CPLX2: variants seen among roughly 807,000 people sequenced by gnomAD.
CPLX2 encodes complexin-2.
In CPLX2, 5 loss-of-function variants were observed where a neutral mutation model predicts 16.3. The ratio of observed to expected loss-of-function variants is 0.31; its 90% CI spans 0.16 to 0.64. The LOEUF is 0.64. Among genes scored for constraint, CPLX2 ranks in the 30% least tolerant of loss-of-function variants. The pLI is 0.79. For synonymous variants in CPLX2, 89 were observed against 73.2 expected, an observed-to-expected ratio of 1.22 and a Z score of -1.10; for missense variants, 144 against 181.4, an observed-to-expected ratio of 0.79 and a Z score of 1.18.
At chr5:175,838,721 G>A (rs1758890140) in intron 2 of CPLX2, among the ~76,000 whole-genome samples, 1 of 152,096 alleles carries the variant, frequency 6.6e-6, no homozygotes, top group African/African-American at 2.4e-5. Context: ...AGGTCTCATA[G>A]GCCACCGCAG....
Position 175,878,951 on chromosome 5 carries a change from G to A in CPLX2, c.75G>A (p.Glu25=). The A allele has an allele frequency of 6.2e-7, 1 of 1,611,798 alleles. No homozygotes were observed. The highest frequency in any genetic ancestry group is 8.5e-7 in the Non-Finnish European group (1 of 1,179,064). ...DMGKMLGGEE[E]KDPDAQKKEE... ...GGAAGATGCTGGGGGGAGAGGAGGA[G>A]AAGGACCCCGACGCGCAGAAAAAGG... The change falls in exon 3 of 4, where the codon GAG becomes GAA. Residue 25 remains glutamate (E), a synonymous_variant. Coordinates refer to ENST00000393745, the MANE Select transcript of CPLX2 (RefSeq NM_001008220.2).
At chr5:175,797,363 C>G (rs1255918068) in intron 1 of CPLX2, among the ~76,000 whole-genome samples, 1 of 148,826 alleles carries the variant, frequency 6.7e-6, no homozygotes, top group Non-Finnish European at 1.5e-5. Flanking sequence ...CCTGGCCGTG[C>G]AATGGCGGGG....
chr5:175,850,698 G>A (rs868595115), intron 2 of CPLX2, among the ~76,000 whole-genome samples: 15 of 152,122 alleles, frequency 9.9e-5, no homozygotes, highest in African/African-American at 3.4e-4. Context: ...TCATTTGACC[G>A]AGGGCACCCT....
chr5:175,814,006 A>G (rs1418117918), intron 2 of CPLX2, among the ~76,000 whole-genome samples: 2 of 152,244 alleles, frequency 1.3e-5, no homozygotes, highest in Non-Finnish European at 2.9e-5. Flanking sequence ...TCTCTTTCCA[A>G]ATATATGTAT....
intron 2 of CPLX2, among the ~76,000 whole-genome samples, chr5:175,833,328 C>T (rs1758765882): frequency 6.6e-6 from 1 of 152,054 alleles, no homozygotes; most frequent in African/African-American, 2.4e-5. Flanking sequence ...GGGCTGGCTG[C>T]TTGGGATACA....
At chr5:175,836,843 G>C (rs1758848773) in intron 2 of CPLX2, among the ~76,000 whole-genome samples, 1 of 152,136 alleles carries the variant, frequency 6.6e-6, no homozygotes, top group Non-Finnish European at 1.5e-5. Flanking sequence ...TGCCCTGCAA[G>C]GCAGGCAGAG....
At chr5:175,879,732 G>C (rs1755522337) in intron 3 of CPLX2, 116 bp from the exon 4 acceptor site, 1 of 917,768 alleles carries the variant, frequency 1.1e-6, no homozygotes, top group Non-Finnish European at 1.8e-6. Context: ...CTAATGACAG[G>C]ACTGAGGCTT....
intron 2 of CPLX2, among the ~76,000 whole-genome samples, chr5:175,862,244 T>C (rs1472432869): frequency 6.6e-6 from 1 of 152,144 alleles, no homozygotes; most frequent in Non-Finnish European, 1.5e-5. Context: ...AGTCCCATCC[T>C]CCAAGAGCTC....
At chr5:175,796,946 T>G (rs1302321107) in intron 1 of CPLX2, among the ~76,000 whole-genome samples, 1 of 152,084 alleles carries the variant, frequency 6.6e-6, no homozygotes, top group Non-Finnish European at 1.5e-5. Context: ...CGGCGGCTCT[T>G]CCGGGGCGAG....
chr5:175,868,033 C>A (rs1407814057), upstream of CPLX2, among the ~76,000 whole-genome samples: 1 of 152,254 alleles, frequency 6.6e-6, no homozygotes, highest in African/African-American at 2.4e-5. Context: ...CCAAGACCAA[C>A]TCTGCCCCTC....
intron 1 of CPLX2, among the ~76,000 whole-genome samples, chr5:175,874,057 G>A (rs142144187): frequency 1.2e-4 from 18 of 152,294 alleles, no homozygotes; most frequent in African/African-American, 3.6e-4. Context: ...TGCAGGCCTT[G>A]AAGGTCAGCA....
chr5:175,813,077 C>T (rs1015585105), intron 2 of CPLX2, among the ~76,000 whole-genome samples: 1 of 152,190 alleles, frequency 6.6e-6, no homozygotes, highest in Non-Finnish European at 1.5e-5. Context: ...AGCTAAGCGG[C>T]TCTGGTACCT....
At chr5:175,862,197 T>C (rs1043224630) in intron 2 of CPLX2, among the ~76,000 whole-genome samples, 1 of 152,218 alleles carries the variant, frequency 6.6e-6, no homozygotes, top group African/African-American at 2.4e-5. Flanking sequence ...ATGCTCAGTA[T>C]GTGTTTGCTA....
intron 2 of CPLX2, among the ~76,000 whole-genome samples, chr5:175,825,936 G>GAAAAA (rs1758605266): frequency 1.3e-4 from 2 of 15,202 alleles, no homozygotes; most frequent in Non-Finnish European, 1.1e-4. Context: ...ATGAATAAGT[G>GAAAAA]CAAAAAAAAA....
chr5:175,854,770 T>C (rs1180217433), intron 2 of CPLX2, among the ~76,000 whole-genome samples: 1 of 152,112 alleles, frequency 6.6e-6, no homozygotes, highest in Non-Finnish European at 1.5e-5. Flanking sequence ...AATTTTGCAG[T>C]GTCAGAGTGA....
At chr5:175,860,454 GAGAA>G (rs1365961130) in intron 2 of CPLX2, among the ~76,000 whole-genome samples, 5 of 146,360 alleles carry the variant, frequency 3.4e-5, no homozygotes, top group South Asian at 4.4e-4. Flanking sequence ...AAGAAAGAGA[GAGAA>G]AGAAAGAGAG....
chr5:175,821,924 A>T (rs949912497), intron 2 of CPLX2, among the ~76,000 whole-genome samples: 4 of 152,142 alleles, frequency 2.6e-5, no homozygotes, highest in African/African-American at 9.7e-5. Flanking sequence ...GGAGACACTG[A>T]TGGGGGCTGC....
intron 1 of CPLX2, among the ~76,000 whole-genome samples, chr5:175,805,944 T>C (rs1462263132): frequency 6.6e-6 from 1 of 152,164 alleles, no homozygotes; most frequent in African/African-American, 2.4e-5. Context: ...CATCAAGCCC[T>C]GAGTCCTGAT....
In CPLX2 at chr5:175,882,814, A is replaced by T. The variant is rs761104751; in HGVS notation, c.*2769A>T. On this transcript the variant is annotated 3_prime_UTR_variant, in exon 4 of 4. Coordinates refer to ENST00000393745, the MANE Select transcript of CPLX2 (RefSeq NM_001008220.2). ...GGGAACACAATGACTATCATTACTGATGCAGACCTGGCTGTGGAGAGCAGC... is the reference window on the plus strand; with the variant it reads ...GGGAACACAATGACTATCATTACTGTTGCAGACCTGGCTGTGGAGAGCAGC... 5 of 152,580 alleles carry T rather than the reference A, an allele frequency of 3.3e-5. No homozygotes were observed. Among genetic ancestry groups the T allele is most frequent in the Non-Finnish European group, 5.9e-5 (4 of 68,126 alleles). 9.5% of individuals were successfully genotyped at this position (152,580 alleles called of 1,614,324 possible). A position where few individuals can be genotyped will look rare whatever the true frequency, so the allele number is the denominator to read the frequency against.
Sources: allele counts gnomAD v4.1 joint callset (sites outside exome capture counted in the v4.1 genomes callset), GRCh38; gene constraint gnomAD v4.1.1; transcripts MANE v1.5; gene names NCBI Gene and HGNC (gene_info 2026-07-23, HGNC 2026-07-21).